The following CPEB1 variants were observed in gnomAD, a reference collection of about 807,000 sequenced individuals.
The protein encoded by CPEB1 is cytoplasmic polyadenylation element-binding protein 1.
CPEB1 carries 7 observed loss-of-function variants against 65.8 expected under a neutral mutation model. The observed-to-expected ratio is 0.11, with a 90% CI of 0.06 to 0.20. CPEB1 has a LOEUF of 0.20. Among genes scored for constraint, CPEB1 ranks in the 10% least tolerant of loss-of-function variants. The pLI is 1.00. For missense variants in CPEB1, 551 were observed against 712.2 expected, an observed-to-expected ratio of 0.77 and a Z score of 2.58; for synonymous variants, 262 against 260.0, an observed-to-expected ratio of 1.01 and a Z score of -0.08.
At chr15:82,584,226 T>G (rs1272759439) in intron 3 of CPEB1, among the ~76,000 whole-genome samples, 3 of 115,488 alleles carry the variant, frequency 2.6e-5, no homozygotes, top group African/African-American at 1.0e-4. Flanking sequence ...ACCACTGCAC[T>G]CCAGCCTGGG....
intron 3 of CPEB1, among the ~76,000 whole-genome samples, chr15:82,626,732 T>C (rs2045807693): frequency 6.6e-6 from 1 of 152,206 alleles, no homozygotes; most frequent in Non-Finnish European, 1.5e-5. Flanking sequence ...AATGTCCATG[T>C]TGAGATATGC....
At chr15:82,642,646 C>T (rs587775360) in intron 1 of CPEB1, among the ~76,000 whole-genome samples, 2 of 152,292 alleles carry the variant, frequency 1.3e-5, no homozygotes, top group South Asian at 4.2e-4. Context: ...AAGCAAAATT[C>T]TTACATAACC....
At chr15:82,573,078 A>T (rs1327611401) in intron 3 of CPEB1, 1 of 1,535,634 alleles carries the variant, frequency 6.5e-7, no homozygotes, top group African/African-American at 1.4e-5. Context: ...GCAAGCAGAT[A>T]CGGGAAGCAT....
At chr15:82,560,541 T>C (rs1328958589) in intron 4 of CPEB1, among the ~76,000 whole-genome samples, 2 of 151,864 alleles carry the variant, frequency 1.3e-5, no homozygotes, top group African/African-American at 4.8e-5. Flanking sequence ...AGGCATGTGA[T>C]ATCTACCACA....
At chr15:82,595,717 T>C (rs1241254369) in intron 3 of CPEB1, among the ~76,000 whole-genome samples, 1 of 152,246 alleles carries the variant, frequency 6.6e-6, no homozygotes, top group Non-Finnish European at 1.5e-5. Flanking sequence ...CGTTCTCTTC[T>C]GGTTTACCAA....
intron 1 of CPEB1, among the ~76,000 whole-genome samples, chr15:82,632,067 C>T (rs1191700721): frequency 6.8e-6 from 1 of 146,528 alleles, no homozygotes; most frequent in Non-Finnish European, 1.5e-5. Flanking sequence ...CTGCAAGCTC[C>T]GCCTCCCGGG....
At chr15:82,580,848 TC>T (rs1362196225) in intron 3 of CPEB1, among the ~76,000 whole-genome samples, 2 of 107,670 alleles carry the variant, frequency 1.9e-5, no homozygotes, top group African/African-American at 4.2e-5. Context: ...GTCCCCAATT[TC>T]TTTTTTTTTT....
At chr15:82,562,188 A>T (rs2038347697) in intron 4 of CPEB1, 1 of 451,094 alleles carries the variant, frequency 2.2e-6, no homozygotes, top group Admixed American at 2.4e-5. Context: ...AGGACTTCAC[A>T]TCTGTTTGTC....
intron 3 of CPEB1, among the ~76,000 whole-genome samples, chr15:82,588,987 A>G (rs1229632910): frequency 6.6e-6 from 1 of 152,166 alleles, no homozygotes; most frequent in Non-Finnish European, 1.5e-5. Flanking sequence ...ATTAGTGTGC[A>G]AGACAAAATG....
intron 3 of CPEB1, among the ~76,000 whole-genome samples, chr15:82,607,813 C>A (rs911831080): frequency 6.6e-6 from 1 of 152,120 alleles, no homozygotes; most frequent in African/African-American, 2.4e-5. Context: ...GAACCTAACA[C>A]AGACCACCAA....
intron 1 of CPEB1, among the ~76,000 whole-genome samples, chr15:82,636,063 C>T (rs2046634150): frequency 6.6e-6 from 1 of 152,200 alleles, no homozygotes; most frequent in Non-Finnish European, 1.5e-5. Flanking sequence ...ACTTTCCTCT[C>T]TTCTCCACTG....
At chr15:82,605,131 T>A (rs1164158764) in intron 3 of CPEB1, among the ~76,000 whole-genome samples, 2 of 152,190 alleles carry the variant, frequency 1.3e-5, no homozygotes, top group African/African-American at 2.4e-5. Context: ...AACCAAGAAT[T>A]TTTTATCACC....
intron 3 of CPEB1, among the ~76,000 whole-genome samples, chr15:82,583,117 T>C (rs1015582281): frequency 2.0e-5 from 3 of 152,176 alleles, no homozygotes; most frequent in African/African-American, 7.2e-5. Context: ...GTTTCTAAGA[T>C]TTCGCTGCTA....
intron 1 of CPEB1, chr15:82,629,835 C>A: frequency 1.0e-6 from 1 of 985,436 alleles, no homozygotes; most frequent in Non-Finnish European, 1.2e-6. Context: ...TGACCAAGAG[C>A]ATTTACAGTT....
chr15:82,571,698 G>C, intron 3 of CPEB1, 166 bp from the exon 4 acceptor site: 1 of 1,434,428 alleles, frequency 7.0e-7, no homozygotes, highest in Non-Finnish European at 9.1e-7. Flanking sequence ...GGACGCTGGG[G>C]CAAGAGCAGT....
chr15:82,584,732 T>C (rs1185239768), intron 3 of CPEB1, among the ~76,000 whole-genome samples: 1 of 150,328 alleles, frequency 6.7e-6, no homozygotes, highest in South Asian at 2.1e-4. Context: ...TAAAATGCTA[T>C]GTAGCCTTGA....
intron 3 of CPEB1, among the ~76,000 whole-genome samples, chr15:82,591,468 G>T (rs1180745406): frequency 6.6e-6 from 1 of 152,098 alleles, no homozygotes; most frequent in Non-Finnish European, 1.5e-5. Flanking sequence ...GCTTCACTAT[G>T]TTTGGCCAGG....
chr15:82,543,924 G>A lies in CPEB1; in HGVS notation c.*668C>T, dbSNP rs1425883104. The A allele has an allele frequency of 6.6e-6, 1 of 152,184 alleles. No individual in the cohort carries two copies. Among genetic ancestry groups the A allele is most frequent in the Admixed American group, 6.5e-5 (1 of 15,268 alleles). 9.4% of individuals were successfully genotyped at this position (152,184 alleles called of 1,614,324 possible). On this transcript the variant is annotated 3_prime_UTR_variant, in exon 13 of 13. Coordinates refer to ENST00000684509, the MANE Select transcript of CPEB1 (RefSeq NM_001365242.1). ...TTGCTATAATGTTAAAAGCTGCCAG[G>A]AAAGAAAAAATATCTTGTTCCAAAC...
rs1438570050 is a variant in CPEB1, at chr15:82,549,671, C to G, written c.1282-13G>C. The G allele has an allele frequency of 6.2e-7, 1 of 1,613,420 alleles. No homozygotes were observed. The highest frequency in any genetic ancestry group is 1.7e-5 in the Admixed American group (1 of 59,998). Reference sequence around the variant, plus strand: ...GGATCACCTGCACCTGAAAACCACCCAAAGGTGTATCAGCCCTGGCAGAGA... The same window carrying G: ...GGATCACCTGCACCTGAAAACCACCGAAAGGTGTATCAGCCCTGGCAGAGA... On this transcript the variant is annotated splice_polypyrimidine_tract_variant and intron_variant, in intron 9 of 12. Coordinates refer to ENST00000684509, the MANE Select transcript of CPEB1 (RefSeq NM_001365242.1).
Sources: gnomAD v4.1 joint callset for allele counts (sites outside exome capture counted in the v4.1 genomes callset) on GRCh38, gnomAD v4.1.1 for gene constraint, MANE v1.5 for transcripts, NCBI Gene and HGNC (gene_info 2026-07-23, HGNC 2026-07-21) for gene names.